HDAC4: variants seen among roughly 807,000 people sequenced by gnomAD.
The protein encoded by HDAC4 is histone deacetylase 4, also known as histone deacetylase A.
In HDAC4, 16 loss-of-function variants were observed where a neutral mutation model predicts 135.1. That is an observed-to-expected ratio of 0.12 (90% CI 0.08 to 0.18). The LOEUF is 0.18. HDAC4 is among the 10% of genes least tolerant of loss of function. HDAC4 has a pLI of 1.00. For missense variants in HDAC4, 1,143 were observed against 1,511.8 expected (o/e 0.76, Z 4.05); for synonymous variants, 685 against 653.4 (o/e 1.05, Z -0.74).
chr2:239,097,039 C>A (rs2037171763), intron 16 of HDAC4, among the ~76,000 whole-genome samples: 1 of 152,182 alleles, frequency 6.6e-6, no homozygotes, highest in African/African-American at 2.4e-5. Flanking sequence ...ATAGGCCCGG[C>A]CCCCATCTGC....
At chr2:239,071,095 G>T (rs149783813) in intron 22 of HDAC4, among the ~76,000 whole-genome samples, 1 of 152,258 alleles carries the variant, frequency 6.6e-6, no homozygotes, top group East Asian at 1.9e-4. Flanking sequence ...GTGAGCAGAA[G>T]CATTGTTGTG....
intron 19 of HDAC4, among the ~76,000 whole-genome samples, chr2:239,087,296 A>G (rs1024702426): frequency 1.3e-5 from 2 of 152,230 alleles, no homozygotes; most frequent in African/African-American, 4.8e-5. Flanking sequence ...CAACAACCAG[A>G]GGCTTCTCTG....
chr2:239,100,841 C>A (rs1338756041), intron 16 of HDAC4, among the ~76,000 whole-genome samples: 2 of 152,130 alleles, frequency 1.3e-5, no homozygotes, highest in Non-Finnish European at 2.9e-5. Flanking sequence ...TCATCTAGAG[C>A]AGCTGTCTCC....
intron 12 of HDAC4, among the ~76,000 whole-genome samples, chr2:239,122,739 TA>T (rs1489169598): frequency 6.6e-6 from 1 of 152,232 alleles, no homozygotes; most frequent in African/African-American, 2.4e-5. Flanking sequence ...ACACCAGGGC[TA>T]GGCACGGGCC....
chr2:239,247,794 G>A (rs1285469088), intron 2 of HDAC4, among the ~76,000 whole-genome samples: 1 of 152,182 alleles, frequency 6.6e-6, no homozygotes. Flanking sequence ...CATTAACTGC[G>A]CGGCTGGGAG....
In HDAC4 at chr2:239,307,502, C is replaced by G. The variant is rs766568807; in HGVS notation, c.22+45176G>C. 1.3e-5 allele frequency among the ~76,000 whole-genome samples: 2 copies of G among 152,116 alleles called. No individual in the cohort carries two copies. Among genetic ancestry groups the G allele is most frequent in the African/African-American group, 4.8e-5 (2 of 41,420 alleles). On this transcript the variant is annotated intron_variant, in intron 2 of 26. Coordinates refer to ENST00000543185, the MANE Select transcript of HDAC4 (RefSeq NM_001378414.1). This position sits in a 1 kb window ranked among gnomAD's most constrained non-coding sequence, Gnocchi z 4.8. Reference sequence around the variant, plus strand: ...ACTAATCAGGGACCTGCCAGAGATACGAGGGCCCAGTGGTCACTAAGGCCC... The same window carrying G: ...ACTAATCAGGGACCTGCCAGAGATAGGAGGGCCCAGTGGTCACTAAGGCCC...
At chr2:239,369,750 A>T (rs1694475294) in intron 1 of HDAC4, among the ~76,000 whole-genome samples, 1 of 152,146 alleles carries the variant, frequency 6.6e-6, no homozygotes, top group African/African-American at 2.4e-5. Context: ...ACGTCTCAGC[A>T]GGCCTGGGCC....
chr2:239,071,015 T>G (rs1268142478), intron 22 of HDAC4, among the ~76,000 whole-genome samples: 2 of 151,132 alleles, frequency 1.3e-5, no homozygotes, highest in African/African-American at 4.9e-5. Flanking sequence ...AGCAGCCAAC[T>G]CAGGACTGGA....
Position 239,139,718 on chromosome 2 carries a change from C to T in HDAC4, c.944G>A (p.Gly315Asp), listed in dbSNP as rs770966065. The change falls in exon 9 of 27, where the codon GGT becomes GAT. Residue 315 changes from glycine (G) to aspartate (D), a missense_variant. Transcript: ENST00000543185. The surrounding 1 kb of genome is among the most constrained non-coding windows in gnomAD (Gnocchi z 5.3). Reference protein sequence around the residue: ...NSSGSVSAENGIAPAVPSIPA... With the variant: ...NSSGSVSAENDIAPAVPSIPA... ...GATGCTGGGGACGGCGGGCGCGATA[C>T]CGTTCTCCGCGCTGACGCTCCCGGA... 3 of 1,614,114 alleles carry T rather than the reference C, an allele frequency of 1.9e-6. No homozygotes were observed. The highest frequency in any genetic ancestry group is 3.3e-5 in the Admixed American group (2 of 60,036).
intron 22 of HDAC4, among the ~76,000 whole-genome samples, chr2:239,073,698 A>C (rs1574915830): frequency 6.6e-6 from 1 of 152,264 alleles, no homozygotes; most frequent in African/African-American, 2.4e-5. Flanking sequence ...TTTCGCAAAC[A>C]TGGTGTACAA....
chr2:239,136,603 G>C (rs535773289), intron 9 of HDAC4, among the ~76,000 whole-genome samples: 1 of 152,298 alleles, frequency 6.6e-6, no homozygotes, highest in Middle Eastern at 3.4e-3. Flanking sequence ...GTGAAGAGAC[G>C]ACCTGTGGGA....
intron 2 of HDAC4, among the ~76,000 whole-genome samples, chr2:239,271,999 T>A (rs2050086350): frequency 1.3e-5 from 2 of 151,866 alleles, no homozygotes; most frequent in South Asian, 4.2e-4. Flanking sequence ...AAGCACAGTT[T>A]CAAAAAAAAT....
intron 3 of HDAC4, among the ~76,000 whole-genome samples, chr2:239,212,596 G>C (rs773881157): frequency 7.2e-5 from 11 of 152,148 alleles, no homozygotes; most frequent in Non-Finnish European, 1.2e-4. Flanking sequence ...CCCCATACAG[G>C]GACCAACCCC....
chr2:239,289,282 T>C (rs1024578361), intron 2 of HDAC4, among the ~76,000 whole-genome samples: 3 of 152,258 alleles, frequency 2.0e-5, no homozygotes, highest in African/African-American at 7.2e-5. Flanking sequence ...GTTATCTTTA[T>C]GGCCTTGAGG....
chr2:239,325,671 A>C (rs1410530435), intron 2 of HDAC4, among the ~76,000 whole-genome samples: 1 of 152,322 alleles, frequency 6.6e-6, no homozygotes, highest in East Asian at 1.9e-4. Context: ...GTTTCTAAAA[A>C]CTTAAACACA....
chr2:239,374,086 G>T (rs1192694737), intron 1 of HDAC4, among the ~76,000 whole-genome samples: 2 of 152,202 alleles, frequency 1.3e-5, no homozygotes, highest in Non-Finnish European at 1.5e-5. Flanking sequence ...GGGACACTGA[G>T]AACAGTGATG....
At chr2:239,312,309 C>T (rs1488963782) in intron 2 of HDAC4, among the ~76,000 whole-genome samples, 1 of 152,196 alleles carries the variant, frequency 6.6e-6, no homozygotes, top group Non-Finnish European at 1.5e-5. Context: ...CTCCTAGCAC[C>T]TGACAGGGAA....
intron 22 of HDAC4, among the ~76,000 whole-genome samples, chr2:239,079,462 G>GT (rs1485648612): frequency 6.6e-6 from 1 of 152,166 alleles, no homozygotes; most frequent in Non-Finnish European, 1.5e-5. Context: ...TGCCTGGGGA[G>GT]GGGGGCCCAC....
Position 239,176,492 on chromosome 2 carries a change from G to A in HDAC4, c.411C>T (p.His137=), listed in dbSNP as rs755806718. The A allele has an allele frequency of 1.7e-5, 27 of 1,613,340 alleles. 1 individual carries two copies. In the South Asian group the frequency reaches 2.7e-4, roughly 16 times the overall value. The change falls in exon 5 of 27, where the codon CAC becomes CAT. Residue 137 remains histidine (H), a synonymous_variant. Coordinates refer to ENST00000543185, the MANE Select transcript of HDAC4 (RefSeq NM_001378414.1). ...LLEHQRKLER[H]RQEQELEKQH... Reference sequence around the variant, plus strand: ...GCTTCTCCAGCTCCTGCTCCTGGCGGTGCCTCTCCAGCTTCCGCTGGTGTT... The same window carrying A: ...GCTTCTCCAGCTCCTGCTCCTGGCGATGCCTCTCCAGCTTCCGCTGGTGTT...
Sources: allele counts gnomAD v4.1 joint callset (sites outside exome capture counted in the v4.1 genomes callset), GRCh38; gene constraint gnomAD v4.1.1; non-coding constraint Gnocchi (gnomAD v3.1); transcripts MANE v1.5; gene names NCBI Gene and HGNC (gene_info 2026-07-23, HGNC 2026-07-21).